STPG2: variants seen among roughly 807,000 people sequenced by gnomAD.
STPG2 encodes the protein sperm tail PG-rich repeat containing 2.
In STPG2, 56 loss-of-function variants were observed where a neutral mutation model predicts 54.2. The observed-to-expected ratio is 1.03, with a 90% CI of 0.83 to 1.29. The LOEUF is 1.29. Ranked by LOEUF, STPG2 falls within the 50% of genes most tolerant of loss-of-function variation. STPG2 has a pLI of 0.00. For missense variants in STPG2, 596 were observed against 544.9 expected, an observed-to-expected ratio of 1.09 and a Z score of -0.93; for synonymous variants, 200 against 181.8, an observed-to-expected ratio of 1.10 and a Z score of -0.81.
chr4:97,727,241 G>A (rs1724653123), intron 9 of STPG2, among the ~76,000 whole-genome samples: 2 of 151,698 alleles, frequency 1.3e-5, no homozygotes, highest in Non-Finnish European at 3.0e-5. Flanking sequence ...TTAATAATGT[G>A]TCTATCTCAT....
intron 9 of STPG2, among the ~76,000 whole-genome samples, chr4:97,713,555 C>A (rs1001291122): frequency 2.6e-5 from 4 of 152,178 alleles, no homozygotes; most frequent in Non-Finnish European, 5.9e-5. Flanking sequence ...AAAGTAAATT[C>A]TGGCAGATTC....
chr4:97,745,941 G>A (rs1725409330), intron 9 of STPG2, among the ~76,000 whole-genome samples: 1 of 151,382 alleles, frequency 6.6e-6, no homozygotes, highest in Non-Finnish European at 1.5e-5. Flanking sequence ...ATAAGATGTA[G>A]TAATGGAAGA....
At chr4:97,844,402 C>T (rs1227215655) in intron 8 of STPG2, among the ~76,000 whole-genome samples, 3 of 151,988 alleles carry the variant, frequency 2.0e-5, no homozygotes, top group African/African-American at 4.8e-5. Context: ...AAGATCCAGA[C>T]ATATTTTTAT....
Position 97,655,647 on chromosome 4 carries a change from CAA to C in STPG2, c.1320+57050_1320+57051del, listed in dbSNP as rs200714804. ...TTTTAATAATGCCTACAGCACCAAA[CAA>C]GAGATTTGAAGTATTCACTTGAAAG... is the stretch of plus-strand genomic sequence containing the variant. On this transcript the variant is annotated intron_variant, in intron 10 of 10. Transcript: ENST00000295268. 4.2e-3 allele frequency among the ~76,000 whole-genome samples: 635 copies of C among 152,080 alleles called. 15 individuals are homozygous for C. The highest frequency in any genetic ancestry group is 0.037 in the Admixed American group (566 of 15,256).
chr4:97,962,510 A>C (rs1733927410), intron 7 of STPG2, among the ~76,000 whole-genome samples: 1 of 152,244 alleles, frequency 6.6e-6, no homozygotes, highest in African/African-American at 2.4e-5. Flanking sequence ...AATTTTTAAA[A>C]ATCAGACATG....
rs112693872 is a variant in STPG2, at chr4:97,878,480, T to C, written c.1045-37548A>G. Reference sequence around the variant, plus strand: ...CCTAAACCTTAATTCTTGCCCCTTTTGTGCAACCCATAGGCTCAACATCAC... The same window carrying C: ...CCTAAACCTTAATTCTTGCCCCTTTCGTGCAACCCATAGGCTCAACATCAC... On this transcript the variant is annotated intron_variant, in intron 8 of 10. Transcript: ENST00000295268. Among the ~76,000 whole-genome samples the C allele has an allele frequency of 4.3e-3, 652 of 152,034 alleles. 2 individuals are homozygous for C. The highest frequency in any genetic ancestry group is 0.02 in the Middle Eastern group (6 of 294).
chr4:97,584,542 C>T (rs1365823630), intron 10 of STPG2, among the ~76,000 whole-genome samples: 2 of 151,772 alleles, frequency 1.3e-5, no homozygotes, highest in Non-Finnish European at 2.9e-5. Context: ...CAGAGCAGAA[C>T]TAAATGAAAT....
At chr4:97,593,034 T>C (rs1473541448) in intron 10 of STPG2, among the ~76,000 whole-genome samples, 2 of 152,128 alleles carry the variant, frequency 1.3e-5, no homozygotes, top group Non-Finnish European at 2.9e-5. Context: ...GTCTTGCCTT[T>C]GAAACAAGGC....
At chr4:97,650,467 G>T (rs754036771) in intron 10 of STPG2, among the ~76,000 whole-genome samples, 28 of 152,190 alleles carry the variant, frequency 1.8e-4, no homozygotes, top group Non-Finnish European at 2.6e-4. Flanking sequence ...ACATTGGTTT[G>T]GTCTAGAAAG....
chr4:97,802,123 T>C (rs758983313), intron 9 of STPG2, among the ~76,000 whole-genome samples: 12 of 152,144 alleles, frequency 7.9e-5, no homozygotes, highest in Non-Finnish European at 1.6e-4. Context: ...GGAACCACAC[T>C]TTGAGAAACA....
chr4:97,541,295 C>T (rs878901083), intron 4 of STPG2, among the ~76,000 whole-genome samples: 1 of 152,006 alleles, frequency 6.6e-6, no homozygotes, highest in African/African-American at 2.4e-5. Flanking sequence ...AATCAATGTG[C>T]AAAAATCACA....
At chr4:97,587,339 T>C (rs1302741196) in intron 10 of STPG2, among the ~76,000 whole-genome samples, 4 of 151,984 alleles carry the variant, frequency 2.6e-5, no homozygotes, top group Non-Finnish European at 5.9e-5. Flanking sequence ...GTAGCCCACA[T>C]TACTTTGGAC....
intron 9 of STPG2, among the ~76,000 whole-genome samples, chr4:97,816,905 T>C (rs762825761): frequency 5.4e-5 from 8 of 149,282 alleles, no homozygotes; most frequent in African/African-American, 2.0e-4. Flanking sequence ...TTCTCTCATA[T>C]ATGCACATAC....
At chr4:98,135,787 A>G (rs1324723766) in intron 1 of STPG2, among the ~76,000 whole-genome samples, 1 of 151,874 alleles carries the variant, frequency 6.6e-6, no homozygotes, top group Non-Finnish European at 1.5e-5. Flanking sequence ...CATTTTGAAA[A>G]GGCAACAGTT....
intron 10 of STPG2, among the ~76,000 whole-genome samples, chr4:97,668,591 G>A (rs1722596021): frequency 6.8e-6 from 1 of 147,988 alleles, no homozygotes; most frequent in Non-Finnish European, 1.5e-5. Context: ...ACAGGGCTTA[G>A]TGGTCAACAG....
At chr4:97,969,221 C>T (rs1053543634) in intron 7 of STPG2, among the ~76,000 whole-genome samples, 6 of 152,130 alleles carry the variant, frequency 3.9e-5, no homozygotes, top group African/African-American at 7.2e-5. Context: ...TGATTAATAT[C>T]GTGCTAATCA....
intron 8 of STPG2, among the ~76,000 whole-genome samples, chr4:97,849,406 C>T (rs993393471): frequency 2.0e-5 from 3 of 151,730 alleles, no homozygotes; most frequent in Non-Finnish European, 4.4e-5. Context: ...CAACAAAAGC[C>T]AAAATTGACA....
At chr4:97,710,650 T>C (rs1255433688) in intron 10 of STPG2, among the ~76,000 whole-genome samples, 3 of 151,996 alleles carry the variant, frequency 2.0e-5, no homozygotes, top group Non-Finnish European at 4.4e-5. Flanking sequence ...AGTCACCAAC[T>C]TAAACTTATT....
chr4:97,680,143 GT>G (rs1259978921), intron 10 of STPG2, among the ~76,000 whole-genome samples: 1 of 150,760 alleles, frequency 6.6e-6, no homozygotes, highest in South Asian at 2.1e-4. Flanking sequence ...CTTGAAAGTA[GT>G]TTTTTCCAAT....
Sources: gnomAD v4.1 joint callset for allele counts (sites outside exome capture counted in the v4.1 genomes callset) on GRCh38, gnomAD v4.1.1 for gene constraint, MANE v1.5 for transcripts, NCBI Gene and HGNC (gene_info 2026-07-23, HGNC 2026-07-21) for gene names.